GABRA4: variants seen among roughly 807,000 people sequenced by gnomAD.
The protein encoded by GABRA4 is gamma-aminobutyric acid receptor subunit alpha-4.
GABRA4 carries 12 observed loss-of-function variants against 49.7 expected under a neutral mutation model. The ratio of observed to expected loss-of-function variants is 0.24; its 90% CI spans 0.15 to 0.39. GABRA4 has a LOEUF of 0.39. Among genes scored for constraint, GABRA4 ranks in the 10% least tolerant of loss-of-function variants. The pLI is 1.00. For missense variants in GABRA4, 506 were observed against 686.0 expected, an observed-to-expected ratio of 0.74 and a Z score of 2.93; for synonymous variants, 288 against 240.2, an observed-to-expected ratio of 1.20 and a Z score of -1.84.
In GABRA4 at chr4:46,992,952, A is replaced by C; in HGVS notation, c.87-6T>G. ...GTCCTGGGGATTCGTTTAAACTGCA[A>C]GCGAAAAAAAAAAAACCGGGGGCGG... On this transcript the variant is annotated splice_region_variant and splice_polypyrimidine_tract_variant and intron_variant, in intron 1 of 8. Coordinates refer to ENST00000264318, the MANE Select transcript of GABRA4 (RefSeq NM_000809.4). The C allele has an allele frequency of 1.3e-6, 2 of 1,495,732 alleles. No individual in the cohort carries two copies. Among genetic ancestry groups the C allele is most frequent in the Non-Finnish European group, 1.8e-6 (2 of 1,085,408 alleles). The allele number at this position is 1,495,732 out of a possible 1,614,324, so 92.7% of individuals were successfully genotyped here. A position where few individuals can be genotyped will look rare whatever the true frequency, so the allele number is the denominator to read the frequency against.
rs1172033733 is a variant in GABRA4 at position 46,920,730 on chromosome 4, A to T, written c.*7495T>A. The T allele has an allele frequency of 6.6e-6, 1 of 151,796 alleles. No individual in the cohort carries two copies. The highest frequency in any genetic ancestry group is 2.4e-5 in the African/African-American group (1 of 41,422). 9.4% of individuals were successfully genotyped at this position (151,796 alleles called of 1,614,324 possible). A position where few individuals can be genotyped will look rare whatever the true frequency, so the allele number is the denominator to read the frequency against. On this transcript the variant is annotated 3_prime_UTR_variant, in exon 9 of 9. Transcript: ENST00000264318. ...CCAAATTAGGTTATATCTTATAGCA[A>T]CTAGATTTGCATGGGATAAGTAAAA...
intron 8 of GABRA4, among the ~76,000 whole-genome samples, chr4:46,945,774 A>G (rs1346301988): frequency 6.6e-6 from 1 of 152,136 alleles, no homozygotes; most frequent in Non-Finnish European, 1.5e-5. Context: ...AGCTAAAAGA[A>G]CACCTTAAAA....
intron 3 of GABRA4, among the ~76,000 whole-genome samples, chr4:46,978,413 C>G (rs1386244937): frequency 6.6e-6 from 1 of 151,894 alleles, no homozygotes; most frequent in African/African-American, 2.4e-5. Flanking sequence ...AACAGCCGGG[C>G]ACGGTGGCTC....
At chr4:46,929,520 A>G (rs1721353492) in intron 8 of GABRA4, among the ~76,000 whole-genome samples, 1 of 152,128 alleles carries the variant, frequency 6.6e-6, no homozygotes, top group Admixed American at 6.6e-5. Flanking sequence ...ACTGCTTTTC[A>G]GCAAATTATT....
intron 2 of GABRA4, among the ~76,000 whole-genome samples, chr4:46,988,251 T>C (rs1723612084): frequency 6.6e-6 from 1 of 152,198 alleles, no homozygotes; most frequent in South Asian, 2.1e-4. Context: ...CATGTAATTA[T>C]TTTATTATTT....
chr4:46,945,317 C>T (rs1390711080), intron 8 of GABRA4, among the ~76,000 whole-genome samples: 2 of 152,084 alleles, frequency 1.3e-5, no homozygotes, highest in African/African-American at 4.8e-5. Context: ...AGGGTCAACT[C>T]CTACATCAAC....
chr4:46,936,045 C>G (rs955195681), intron 8 of GABRA4, among the ~76,000 whole-genome samples: 14 of 152,076 alleles, frequency 9.2e-5, no homozygotes, highest in Admixed American at 8.5e-4. Context: ...CAACAACAGC[C>G]AAAACAATGG....
intron 7 of GABRA4, among the ~76,000 whole-genome samples, chr4:46,968,039 T>A (rs1197666819): frequency 2.6e-5 from 4 of 151,742 alleles, no homozygotes; most frequent in Admixed American, 2.6e-4. Flanking sequence ...ACTGATTTTT[T>A]TTGCTTTGTT....
chr4:46,950,001 T>G (rs1327805838), intron 8 of GABRA4, among the ~76,000 whole-genome samples: 1 of 152,148 alleles, frequency 6.6e-6, no homozygotes, highest in Non-Finnish European at 1.5e-5. Flanking sequence ...CAAAATGTAT[T>G]CTTGTTCTAT....
At chr4:46,931,944 A>G (rs1318521928) in intron 8 of GABRA4, among the ~76,000 whole-genome samples, 1 of 152,168 alleles carries the variant, frequency 6.6e-6, no homozygotes, top group Non-Finnish European at 1.5e-5. Context: ...CAGTTGATCC[A>G]CAGATTTGGG....
intron 7 of GABRA4, among the ~76,000 whole-genome samples, chr4:46,970,628 C>G (rs999479799): frequency 3.3e-5 from 5 of 151,486 alleles, no homozygotes; most frequent in African/African-American, 1.2e-4. Context: ...CAATTCAATG[C>G]ATTTAAACCG....
intron 8 of GABRA4, among the ~76,000 whole-genome samples, chr4:46,932,227 C>G (rs1721463920): frequency 6.6e-6 from 1 of 152,072 alleles, no homozygotes; most frequent in African/African-American, 2.4e-5. Flanking sequence ...TAATCCCACT[C>G]TATAAGAATT....
At chr4:46,986,611 T>G (rs1487998398) in intron 2 of GABRA4, among the ~76,000 whole-genome samples, 1 of 152,070 alleles carries the variant, frequency 6.6e-6, no homozygotes. Flanking sequence ...CCTATCAAAC[T>G]TAATCCCCTG....
In GABRA4 at chr4:46,920,696, G is replaced by A. The variant is rs185132065; in HGVS notation, c.*7529C>T. The A allele has an allele frequency of 6.6e-6, 1 of 151,648 alleles. No homozygotes were observed. Among genetic ancestry groups the A allele is most frequent in the Admixed American group, 6.6e-5 (1 of 15,200 alleles). The allele number at this position is 151,648 out of a possible 1,614,324, so 9.4% of individuals were successfully genotyped here. The stretch of plus-strand genomic sequence containing the variant: ...CACCAAAATTCCAATGTATTACAGG[G>A]AGGTATTTCCAAATTAGGTTATATC... On this transcript the variant is annotated 3_prime_UTR_variant, in exon 9 of 9. Coordinates refer to ENST00000264318, the MANE Select transcript of GABRA4 (RefSeq NM_000809.4).
chr4:46,926,894 T>C lies in GABRA4; in HGVS notation c.*1331A>G, dbSNP rs1049806611. 6.6e-6 allele frequency: 1 copy of C among 151,928 alleles called. No homozygotes were observed. The highest frequency in any genetic ancestry group is 2.4e-5 in the African/African-American group (1 of 41,418). The allele number at this position is 151,928 out of a possible 1,614,324, so 9.4% of individuals were successfully genotyped here. A position where few individuals can be genotyped will look rare whatever the true frequency, so the allele number is the denominator to read the frequency against. On this transcript the variant is annotated 3_prime_UTR_variant, in exon 9 of 9. Transcript: ENST00000264318. The stretch of plus-strand genomic sequence containing the variant: ...TTTCTTTACTCCTTTCATTTGCTGC[T>C]CTCTTAATTTTAAAATATTCCCCTT...
At chr4:46,982,182 G>A (rs1244177038) in intron 2 of GABRA4, among the ~76,000 whole-genome samples, 8 of 152,054 alleles carry the variant, frequency 5.3e-5, no homozygotes, top group Non-Finnish European at 8.8e-5. Context: ...AAGATGGAGA[G>A]CTACATAGAG....
At chr4:46,948,628 T>C (rs1722062154) in intron 8 of GABRA4, among the ~76,000 whole-genome samples, 1 of 152,128 alleles carries the variant, frequency 6.6e-6, no homozygotes. Flanking sequence ...ATCAAGCAGA[T>C]TACCATTACC....
chr4:46,979,530 T>A (rs1386666884), intron 2 of GABRA4, among the ~76,000 whole-genome samples: 1 of 152,036 alleles, frequency 6.6e-6, no homozygotes, highest in East Asian at 1.9e-4. Context: ...AATGTATCCT[T>A]GGAGAGCTGA....
At chr4:46,931,490 T>G (rs186148359) in intron 8 of GABRA4, among the ~76,000 whole-genome samples, 3 of 152,242 alleles carry the variant, frequency 2.0e-5, no homozygotes, top group African/African-American at 7.2e-5. Flanking sequence ...TGAATTGTGT[T>G]CTATATAATA....
Sources: allele counts gnomAD v4.1 joint callset (sites outside exome capture counted in the v4.1 genomes callset), GRCh38; gene constraint gnomAD v4.1.1; transcripts MANE v1.5; gene names NCBI Gene and HGNC (gene_info 2026-07-23, HGNC 2026-07-21).